EIF4G3: variants seen among roughly 807,000 people sequenced by gnomAD.
EIF4G3 encodes the protein eIF-4-gamma 3.
EIF4G3 carries 34 observed loss-of-function variants against 186.4 expected under a neutral mutation model. The ratio of observed to expected loss-of-function variants is 0.18; its 90% confidence interval spans 0.14 to 0.24. The LOEUF (loss-of-function observed/expected upper bound fraction) is 0.24. Ranked by LOEUF, EIF4G3 falls within the 10% of genes least tolerant of loss-of-function variation. The probability of loss-of-function intolerance (pLI) is 1.00; values close to 1 mark genes in which losing one functional copy is unlikely to be tolerated. For synonymous variants in EIF4G3, 673 were observed against 679.5 expected, an observed-to-expected ratio of 0.99 and a Z score of 0.15; for missense variants, 1,536 against 1,948.5, an observed-to-expected ratio of 0.79 and a Z score of 3.99.
At chr1:20,973,265 G>C (rs2076239091) in intron 10 of EIF4G3, among the ~76,000 whole-genome samples, 166 bp from the exon 11 acceptor site, 1 of 152,104 alleles carries the variant, frequency 6.6e-6, no homozygotes, top group Admixed American at 6.5e-5. Context: ...TTACTGAAGT[G>C]GTCAAGAAAT....
intron 31 of EIF4G3, among the ~76,000 whole-genome samples, chr1:20,828,184 C>T (rs2064155316): frequency 6.6e-6 from 1 of 151,984 alleles, no homozygotes; most frequent in East Asian, 1.9e-4. Context: ...AGGCACGTAA[C>T]ACCATGCCCA....
intron 6 of EIF4G3, chr1:20,999,631 A>G: frequency 2.5e-6 from 1 of 400,034 alleles, no homozygotes; most frequent in South Asian, 1.9e-5. Flanking sequence ...TTACATATAT[A>G]TAAAAACAAA....
chr1:20,810,958 T>C lies in EIF4G3; in HGVS notation c.4598-74A>G. On this transcript the variant is annotated intron_variant, in intron 35 of 36. Coordinates refer to ENST00000602326, the MANE Select transcript of EIF4G3 (RefSeq NM_001391906.1). This position sits in a 1 kb window ranked among gnomAD's most constrained non-coding sequence, Gnocchi z 4.1. The stretch of plus-strand genomic sequence containing the variant: ...AATTATCTTTAATTTTCTTTCTTTT[T>C]TCTTTTTTTGAGACAGAGCCTCACT... 6.7e-7 allele frequency: 1 copy of C among 1,485,678 alleles called. No homozygotes were observed. Among genetic ancestry groups the C allele is most frequent in the Non-Finnish European group, 9.1e-7 (1 of 1,098,988 alleles). The allele number at this position is 1,485,678 out of a possible 1,614,324, so 92.0% of individuals were successfully genotyped here. A position where few individuals can be genotyped will look rare whatever the true frequency, so the allele number is the denominator to read the frequency against.
chr1:20,967,538 A>C (rs2074961989), intron 12 of EIF4G3, among the ~76,000 whole-genome samples: 1 of 152,230 alleles, frequency 6.6e-6, no homozygotes, highest in African/African-American at 2.4e-5. Context: ...AGAATTATTA[A>C]CATGACCTTA....
At position 20,865,359 on chromosome 1, in the gene EIF4G3, C is replaced by T. The variant is rs1433827817; in HGVS notation, c.2623-97G>A. On this transcript the variant is annotated intron_variant, in intron 20 of 36. Coordinates refer to ENST00000602326, the MANE Select transcript of EIF4G3 (RefSeq NM_001391906.1). ...ATTGTATGAAATAATGCTGACTGAACCACAGGTAAGCATTCTATAAGAGGC... is the reference window on the plus strand; with the variant it reads ...ATTGTATGAAATAATGCTGACTGAATCACAGGTAAGCATTCTATAAGAGGC... 17 of 1,369,904 alleles carry T rather than the reference C, an allele frequency of 1.2e-5. No homozygotes were observed. The Admixed American group carries it at 3.6e-4, about 29-fold the overall frequency. 84.9% of individuals were successfully genotyped at this position (1,369,904 alleles called of 1,614,324 possible). A position where few individuals can be genotyped will look rare whatever the true frequency, so the allele number is the denominator to read the frequency against.
chr1:21,174,343 G>A (rs1274442759), intron 2 of EIF4G3, among the ~76,000 whole-genome samples: 2 of 152,140 alleles, frequency 1.3e-5, no homozygotes, highest in African/African-American at 4.8e-5. Flanking sequence ...CTGAGAAAAA[G>A]CATACTTGAA....
chr1:21,176,677 G>C (rs927619929), intron 1 of EIF4G3, 45 bp downstream of exon 1: 9 of 582,910 alleles, frequency 1.5e-5, no homozygotes, highest in Non-Finnish European at 2.2e-5. Context: ...GCGACCCCAG[G>C]GGGGGGGCCG....
chr1:21,112,072 G>C (rs1278831984), intron 2 of EIF4G3, among the ~76,000 whole-genome samples: 4 of 152,162 alleles, frequency 2.6e-5, no homozygotes, highest in Non-Finnish European at 5.9e-5. Flanking sequence ...TTATTAGCAA[G>C]ACTCTTCTCC....
intron 14 of EIF4G3, among the ~76,000 whole-genome samples, chr1:20,926,812 T>A (rs988515568): frequency 6.6e-5 from 10 of 151,914 alleles, no homozygotes; most frequent in Non-Finnish European, 1.5e-4. Context: ...TCTATACATT[T>A]GCAGAAATGA....
intron 11 of EIF4G3, among the ~76,000 whole-genome samples, chr1:20,970,343 G>A (rs982015927): frequency 5.9e-5 from 9 of 152,164 alleles, no homozygotes; most frequent in Admixed American, 5.9e-4. Flanking sequence ...GCCAGGCGCG[G>A]TGGCTCACGC....
At chr1:21,031,888 A>G (rs1366094892) in intron 4 of EIF4G3, among the ~76,000 whole-genome samples, 2 of 152,216 alleles carry the variant, frequency 1.3e-5, no homozygotes, top group Non-Finnish European at 2.9e-5. Flanking sequence ...AAGGAAAATA[A>G]TAACTTTGTG....
chr1:20,920,625 G>C (rs2094414412), intron 14 of EIF4G3, among the ~76,000 whole-genome samples: 1 of 152,110 alleles, frequency 6.6e-6, no homozygotes, highest in African/African-American at 2.4e-5. Context: ...CTAAGAGAAA[G>C]AGGCTTAAAA....
chr1:21,025,396 C>T (rs1365543147), intron 4 of EIF4G3, among the ~76,000 whole-genome samples: 1 of 151,982 alleles, frequency 6.6e-6, no homozygotes, highest in African/African-American at 2.4e-5. Flanking sequence ...TCTATTCCGA[C>T]AGCCCAGGTA....
At chr1:21,148,855 A>T (rs189019340) in intron 2 of EIF4G3, among the ~76,000 whole-genome samples, 1 of 152,190 alleles carries the variant, frequency 6.6e-6, no homozygotes, top group Non-Finnish European at 1.5e-5. Flanking sequence ...ACAATAAGGA[A>T]TGTGTTTTCA....
intron 14 of EIF4G3, among the ~76,000 whole-genome samples, chr1:20,909,602 A>G (rs901182860): frequency 2.6e-5 from 4 of 152,310 alleles, no homozygotes; most frequent in Middle Eastern, 6.8e-3. Context: ...AGATTTAAAA[A>G]GCATAATTAT....
At chr1:20,981,026 C>T (rs776929453) in intron 9 of EIF4G3, 22 bp downstream of exon 9, 119 of 1,506,202 alleles carry the variant, frequency 7.9e-5, no homozygotes, top group Middle Eastern at 4.2e-4. Context: ...GCTGGACCAC[C>T]TAGGCCTCAA....
intron 27 of EIF4G3, 22 bp downstream of exon 27, chr1:20,853,538 A>G (rs766864245): frequency 1.3e-6 from 2 of 1,530,476 alleles, no homozygotes; most frequent in Admixed American, 1.7e-5. Context: ...CCTTGAGTAG[A>G]CATAAAAAGC....
chr1:21,083,788 T>C (rs1160275599), intron 3 of EIF4G3, among the ~76,000 whole-genome samples: 1 of 152,230 alleles, frequency 6.6e-6, no homozygotes. Context: ...ATTTGGATGA[T>C]CTATTCTCCA....
intron 20 of EIF4G3, among the ~76,000 whole-genome samples, chr1:20,865,927 G>A (rs1367158639): frequency 6.6e-6 from 1 of 152,092 alleles, no homozygotes; most frequent in African/African-American, 2.4e-5. Flanking sequence ...TCTAATAGTT[G>A]TAATAGCTCA....
Sources: gnomAD v4.1 joint callset for allele counts (sites outside exome capture counted in the v4.1 genomes callset) on GRCh38, gnomAD v4.1.1 for gene constraint, Gnocchi (gnomAD v3.1) non-coding constraint, MANE v1.5 for transcripts, NCBI Gene and HGNC (gene_info 2026-07-23, HGNC 2026-07-21) for gene names.